The following FBLN2 variants were observed in gnomAD, a reference collection of about 807,000 sequenced individuals.
FBLN2 encodes fibulin 2.
Under a neutral mutation model 123.7 loss-of-function variants are expected in FBLN2, and 81 were observed. The observed-to-expected ratio is 0.65, with a 90% CI of 0.55 to 0.79. The LOEUF is 0.79. Among genes scored for constraint, FBLN2 ranks in the 30% least tolerant of loss-of-function variants. The pLI is 0.00. For missense variants in FBLN2, 1,603 were observed against 1,681.3 expected (o/e 0.95, Z 0.81); for synonymous variants, 699 against 701.4 (o/e 1.00, Z 0.05).
intron 1 of FBLN2, among the ~76,000 whole-genome samples, chr3:13,555,144 G>A (rs1703428593): frequency 6.6e-6 from 1 of 151,792 alleles, no homozygotes; most frequent in Admixed American, 6.6e-5. Context: ...TAGAGATGGG[G>A]TTTCACCATG....
At chr3:13,613,698 T>G (rs913420315) in intron 4 of FBLN2, among the ~76,000 whole-genome samples, 2 of 152,168 alleles carry the variant, frequency 1.3e-5, no homozygotes, top group Non-Finnish European at 2.9e-5. Context: ...TGAATAGAAT[T>G]GGGGTTTGCT....
At chr3:13,549,487 C>T (rs1447413495) in intron 1 of FBLN2, among the ~76,000 whole-genome samples, 1 of 151,836 alleles carries the variant, frequency 6.6e-6, no homozygotes, top group Non-Finnish European at 1.5e-5. Flanking sequence ...GTTCCCCCAC[C>T]CCAGGTCCGC....
At position 13,628,972 on chromosome 3, in the gene FBLN2, C is replaced by A. The variant is rs765299657; in HGVS notation, c.2637C>A (p.Gly879=). 2 of 1,613,642 alleles carry A rather than the reference C, an allele frequency of 1.2e-6. No homozygotes were observed. Among genetic ancestry groups the A allele is most frequent in the Non-Finnish European group, 1.7e-6 (2 of 1,179,774 alleles). The change falls in exon 12 of 18, where the codon GGC becomes GGA. Residue 879 remains glycine, a synonymous_variant. Coordinates refer to ENST00000404922, the MANE Select transcript of FBLN2 (RefSeq NM_001004019.2). ...GCTTCAGCTGCATCAACACGGTGGG[C>A]TCCTACACATGCCAGAGGAACCCGC... The part of the protein sequence containing the change: ...RPGFSCINTV[G]SYTCQRNPLI...
chr3:13,609,688 G>GGGGGGGGGC, intron 4 of FBLN2, 46 bp downstream of exon 4: 42 of 512,560 alleles, frequency 8.2e-5, no homozygotes, highest in Non-Finnish European at 1.3e-4. Flanking sequence ...GTGGGGCGGG[G>GGGGGGGGGC]CGGGAGGCTG....
At chr3:13,553,411 G>A (rs1226209618) in intron 1 of FBLN2, among the ~76,000 whole-genome samples, 1 of 152,136 alleles carries the variant, frequency 6.6e-6, no homozygotes, top group East Asian at 1.9e-4. Flanking sequence ...GTCACATAGC[G>A]ACTGAGGAGG....
intron 9 of FBLN2, among the ~76,000 whole-genome samples, chr3:13,625,821 C>T (rs1482781913): frequency 1.3e-5 from 2 of 151,146 alleles, no homozygotes; most frequent in African/African-American, 4.9e-5. Context: ...CTGCTTGGAA[C>T]TCTCTATGGC....
intron 4 of FBLN2, among the ~76,000 whole-genome samples, chr3:13,610,906 T>G: frequency 7.0e-6 from 1 of 143,534 alleles, no homozygotes; most frequent in South Asian, 2.4e-4. Flanking sequence ...AAATTATTAT[T>G]ATTATTATTA....
chr3:13,577,241 A>T (rs1215055038), intron 2 of FBLN2, among the ~76,000 whole-genome samples: 2 of 150,924 alleles, frequency 1.3e-5, no homozygotes, highest in African/African-American at 4.9e-5. Context: ...AAAAAAAAAA[A>T]GCACAGTGAG....
chr3:13,579,931 C>A (rs186143831), intron 2 of FBLN2, among the ~76,000 whole-genome samples: 109 of 152,342 alleles, frequency 7.2e-4, no homozygotes, highest in African/African-American at 2.6e-3. Flanking sequence ...AGACAAGAGC[C>A]GGCCCTAGGA....
intron 2 of FBLN2, among the ~76,000 whole-genome samples, chr3:13,595,611 A>G (rs1704816535): frequency 6.6e-6 from 1 of 152,090 alleles, no homozygotes; most frequent in African/African-American, 2.4e-5. Flanking sequence ...CTCAGGCCCC[A>G]CAAATATCCT....
chr3:13,573,590 G>T (rs1278060793), intron 2 of FBLN2, among the ~76,000 whole-genome samples: 2 of 152,138 alleles, frequency 1.3e-5, no homozygotes, highest in Non-Finnish European at 2.9e-5. Context: ...CTGTGCACAT[G>T]CTGGGCACTC....
At position 13,571,338 on chromosome 3, in the gene FBLN2, C is replaced by A. The variant is rs765184596; in HGVS notation, c.983C>A (p.Ala328Glu). Reference sequence around the variant, plus strand: ...CAGGAGGAGAGGGCAGAAGCTGGGGCAAGGGCAGAAGCTGGGGCAAGGCCT... The same window carrying A: ...CAGGAGGAGAGGGCAGAAGCTGGGGAAAGGGCAGAAGCTGGGGCAAGGCCT... ...PIQEERAEAG[A>E]RAEAGARPEE... Residue 328 changes from alanine to glutamate, a missense_variant, in exon 2 of 18, where the codon GCA becomes GAA. Ala to Glu is a moderately radical substitution (Grantham distance 107). Coordinates refer to ENST00000404922, the MANE Select transcript of FBLN2 (RefSeq NM_001004019.2). The A allele has an allele frequency of 6.2e-7, 1 of 1,609,092 alleles. No individual in the cohort carries two copies. Among genetic ancestry groups the A allele is most frequent in the South Asian group, 1.1e-5 (1 of 89,772 alleles).
chr3:13,615,199 C>T (rs1022305590), intron 5 of FBLN2, among the ~76,000 whole-genome samples: 1 of 152,228 alleles, frequency 6.6e-6, no homozygotes, highest in Non-Finnish European at 1.5e-5. Flanking sequence ...GAGGGTGCCC[C>T]AGTGAGTCAG....
rs185915076 is a variant in FBLN2 at position 13,560,403 on chromosome 3, C to T, written c.-41-9912C>T. ...GGGCACCTGGTACCCTAAGCCCCAC[C>T]TGCGGCCTACAGCTTGGTCTGTACT... On this transcript the variant is annotated intron_variant, in intron 1 of 17. Transcript: ENST00000404922. Among the ~76,000 whole-genome samples, 848 of 152,248 alleles carry T rather than the reference C, an allele frequency of 5.6e-3. 10 individuals carry two copies. The highest frequency in any genetic ancestry group is 0.02 in the African/African-American group (811 of 41,540).
At chr3:13,600,867 C>T (rs1467492172) in intron 2 of FBLN2, among the ~76,000 whole-genome samples, 2 of 152,156 alleles carry the variant, frequency 1.3e-5, no homozygotes, top group East Asian at 1.9e-4. Context: ...CCGCCCACCT[C>T]GGCCTCCCAA....
chr3:13,550,395 C>A (rs1247349808), intron 1 of FBLN2, among the ~76,000 whole-genome samples: 1 of 152,242 alleles, frequency 6.6e-6, no homozygotes, highest in Non-Finnish European at 1.5e-5. Flanking sequence ...CAAGGAGTTG[C>A]CCATATCAGC....
rs143811412 is a variant in FBLN2 at position 13,577,974 on chromosome 3, G to T, written c.1306+6313G>T. Among the ~76,000 whole-genome samples the T allele has an allele frequency of 2.6e-3, 400 of 152,324 alleles. 2 individuals are homozygous for T. The highest frequency in any genetic ancestry group is 4.5e-3 in the Non-Finnish European group (305 of 68,026). On this transcript the variant is annotated intron_variant, in intron 2 of 17. Coordinates refer to ENST00000404922, the MANE Select transcript of FBLN2 (RefSeq NM_001004019.2). ...AGCAGGGGGCCCCAGTCTCCCAGTGGAGGAGGAGGGCTTGTGGTTCCCATG... is the reference window on the plus strand; with the variant it reads ...AGCAGGGGGCCCCAGTCTCCCAGTGTAGGAGGAGGGCTTGTGGTTCCCATG...
chr3:13,577,492 A>T (rs931868453), intron 2 of FBLN2, among the ~76,000 whole-genome samples: 2 of 152,118 alleles, frequency 1.3e-5, no homozygotes, highest in African/African-American at 4.8e-5. Flanking sequence ...CACCATGAGG[A>T]CTTTGGCTTC....
At chr3:13,628,791 A>T (rs1242022458) in intron 11 of FBLN2, 114 bp from the exon 12 acceptor site, 24 of 1,263,968 alleles carry the variant, frequency 1.9e-5, no homozygotes, top group Non-Finnish European at 2.6e-5. Context: ...TGCAACTCTG[A>T]CCAGGGCAGG....
Sources: allele counts gnomAD v4.1 joint callset (sites outside exome capture counted in the v4.1 genomes callset), GRCh38; gene constraint gnomAD v4.1.1; transcripts MANE v1.5; gene names NCBI Gene and HGNC (gene_info 2026-07-23, HGNC 2026-07-21).